The following ANKRD44 variants were observed in gnomAD, a reference collection of about 807,000 sequenced individuals.
The protein encoded by ANKRD44 is ankyrin repeat domain 44.
In ANKRD44, 35 loss-of-function variants were observed where a neutral mutation model predicts 116.0. The ratio of observed to expected loss-of-function variants is 0.30; its 90% CI spans 0.23 to 0.40. The LOEUF (loss-of-function observed/expected upper bound fraction) is 0.40. Ranked by LOEUF, ANKRD44 falls within the 10% of genes least tolerant of loss-of-function variation. The probability of loss-of-function intolerance (pLI) is 1.00; values close to 1 mark genes in which losing one functional copy is unlikely to be tolerated. For missense variants in ANKRD44, 1,014 were observed against 1,242.6 expected (o/e 0.82, Z 2.77); for synonymous variants, 435 against 461.8 (o/e 0.94, Z 0.74).
rs115864845 is a variant in ANKRD44, at chr2:197,136,291, C to T, written c.261+301G>A. On this transcript the variant is annotated intron_variant, in intron 4 of 27. Coordinates refer to ENST00000282272, the MANE Select transcript of ANKRD44 (RefSeq NM_001195144.2). ...AAGCAGGCAGTTAGTTGCTTTCTCC[C>T]GCAAGTCAATGATGATATTGTAATG... 3,154 of 353,346 alleles carry T rather than the reference C, an allele frequency of 8.9e-3. 22 individuals are homozygous for T. The highest frequency in any genetic ancestry group is 0.011 in the Non-Finnish European group (2,104 of 190,652). 21.9% of individuals were successfully genotyped at this position (353,346 alleles called of 1,614,324 possible).
At chr2:196,969,593 C>T (rs780089758) in intron 21 of ANKRD44, among the ~76,000 whole-genome samples, 1 of 152,216 alleles carries the variant, frequency 6.6e-6, no homozygotes, top group Admixed American at 6.5e-5. Flanking sequence ...AAGTGATATA[C>T]CAGCTACATT....
chr2:197,044,458 C>G (rs1417241259), intron 16 of ANKRD44, among the ~76,000 whole-genome samples: 2 of 152,102 alleles, frequency 1.3e-5, no homozygotes, highest in African/African-American at 4.8e-5. Context: ...CCTCTGCTTC[C>G]TGGGTTCAAG....
At chr2:197,071,848 G>T (rs938666797) in intron 16 of ANKRD44, among the ~76,000 whole-genome samples, 1 of 152,104 alleles carries the variant, frequency 6.6e-6, no homozygotes, top group Non-Finnish European at 1.5e-5. Flanking sequence ...AACAGTTTTT[G>T]CTTCACATAT....
chr2:197,069,891 CT>C (rs199988682), intron 16 of ANKRD44, among the ~76,000 whole-genome samples: 18,923 of 144,424 alleles, frequency 0.13, 1,341 homozygotes, highest in Non-Finnish European at 0.17. Flanking sequence ...AATGTCTCTC[CT>C]TTTTTTTTTT....
Position 197,017,537 on chromosome 2 carries a change from A to G in ANKRD44, c.1723-3825T>C, listed in dbSNP as rs546239512. ...GTTTGTGAATGATTTTGATTATGTTACATATTAAACCTATATATCATTTAT... is the reference window on the plus strand; with the variant it reads ...GTTTGTGAATGATTTTGATTATGTTGCATATTAAACCTATATATCATTTAT... On this transcript the variant is annotated intron_variant, in intron 17 of 27. Coordinates refer to ENST00000282272, the MANE Select transcript of ANKRD44 (RefSeq NM_001195144.2). Among the ~76,000 whole-genome samples, 7 of 152,344 alleles carry G rather than the reference A, an allele frequency of 4.6e-5. No individual in the cohort carries two copies. The South Asian group carries it at 1.5e-3, about 32-fold the overall frequency.
At chr2:196,995,490 G>A (rs1159140643) in intron 25 of ANKRD44, 29 bp from the exon 26 acceptor site, 1 of 1,485,440 alleles carries the variant, frequency 6.7e-7, no homozygotes, top group Non-Finnish European at 9.3e-7. Flanking sequence ...GATAAGAAAT[G>A]CAAGATAGAG....
intron 17 of ANKRD44, 29 bp from the exon 18 acceptor site, chr2:197,013,741 G>A (rs1200952106): frequency 1.2e-6 from 2 of 1,610,352 alleles, no homozygotes; most frequent in East Asian, 4.5e-5. Flanking sequence ...TGGCTCCCAT[G>A]CTTGCTCGCT....
At chr2:197,067,471 G>A (rs2077459269) in intron 16 of ANKRD44, among the ~76,000 whole-genome samples, 1 of 149,436 alleles carries the variant, frequency 6.7e-6, no homozygotes, top group Non-Finnish European at 1.5e-5. Flanking sequence ...TCTGACAAAG[G>A]GCTAATATCC....
At position 196,991,060 on chromosome 2, in the gene ANKRD44, G is replaced by C. The variant is rs2075906626; in HGVS notation, c.2924-1411C>G. ...AGTTAGAAATCATGCCAGGTAAAAC[G>C]AGGAGTTACTTCTCACAAGTCATGC... On this transcript the variant is annotated intron_variant, in intron 27 of 27. Coordinates refer to ENST00000282272, the MANE Select transcript of ANKRD44 (RefSeq NM_001195144.2). 3 of 831,734 alleles carry C rather than the reference G, an allele frequency of 3.6e-6. No individual in the cohort carries two copies. In the East Asian group the frequency reaches 1.0e-4, roughly 28 times the overall value. 51.5% of individuals were successfully genotyped at this position (831,734 alleles called of 1,614,324 possible). A position where few individuals can be genotyped will look rare whatever the true frequency, so the allele number is the denominator to read the frequency against.
intron 17 of ANKRD44, 62 bp downstream of exon 17, chr2:197,025,134 A>C: frequency 3.4e-6 from 5 of 1,475,556 alleles, no homozygotes; most frequent in Non-Finnish European, 4.7e-6. Context: ...AGAGCAATCT[A>C]GTTTTAGGAA....
intron 17 of ANKRD44, among the ~76,000 whole-genome samples, chr2:197,022,115 C>T (rs1220201936): frequency 6.6e-6 from 1 of 152,210 alleles, no homozygotes; most frequent in African/African-American, 2.4e-5. Context: ...GGTTCCATTA[C>T]ACTGCTAGAT....
intron 9 of ANKRD44, among the ~76,000 whole-genome samples, chr2:197,108,748 G>T (rs1363918576): frequency 6.6e-6 from 1 of 152,154 alleles, no homozygotes; most frequent in Non-Finnish European, 1.5e-5. Flanking sequence ...TGAGGCACAA[G>T]AATCGCTTGA....
At chr2:197,297,098 C>G (rs947559396) in intron 1 of ANKRD44, among the ~76,000 whole-genome samples, 2 of 152,174 alleles carry the variant, frequency 1.3e-5, no homozygotes, top group African/African-American at 2.4e-5. Flanking sequence ...TAAAAAATGA[C>G]TGCAAACTCC....
At chr2:197,030,827 G>A (rs917973280) in intron 16 of ANKRD44, among the ~76,000 whole-genome samples, 2 of 152,084 alleles carry the variant, frequency 1.3e-5, no homozygotes, top group South Asian at 4.1e-4. Flanking sequence ...GTTGGTGGTG[G>A]TGTTGTTTTT....
intron 9 of ANKRD44, among the ~76,000 whole-genome samples, chr2:197,105,321 C>A (rs888476715): frequency 4.6e-5 from 7 of 152,246 alleles, no homozygotes; most frequent in African/African-American, 1.7e-4. Context: ...GCCATGTTGG[C>A]CAGGCTAGTC....
At chr2:197,263,417 C>T (rs1443743089) in intron 1 of ANKRD44, 2 of 588,602 alleles carry the variant, frequency 3.4e-6, no homozygotes, top group Non-Finnish European at 6.2e-6. Context: ...ATTGATTATG[C>T]CAGGAACCCT....
chr2:197,084,313 G>C (rs531126675), intron 13 of ANKRD44, among the ~76,000 whole-genome samples: 2 of 152,074 alleles, frequency 1.3e-5, no homozygotes, highest in African/African-American at 4.8e-5. Context: ...GCCCATTCAC[G>C]AATCACTTCC....
intron 13 of ANKRD44, among the ~76,000 whole-genome samples, chr2:197,086,249 T>C (rs2077919439): frequency 6.6e-6 from 1 of 151,918 alleles, no homozygotes; most frequent in Middle Eastern, 3.2e-3. Context: ...GTAAGAAGAG[T>C]TCTATGACCC....
intron 2 of ANKRD44, 78 bp from the exon 3 acceptor site, chr2:197,147,183 T>C: frequency 1.8e-6 from 2 of 1,133,900 alleles, no homozygotes; most frequent in Non-Finnish European, 2.6e-6. Context: ...GTAAGACGTG[T>C]CACTCACTCT....
Sources: gnomAD v4.1 joint callset for allele counts (sites outside exome capture counted in the v4.1 genomes callset) on GRCh38, gnomAD v4.1.1 for gene constraint, MANE v1.5 for transcripts, NCBI Gene and HGNC (gene_info 2026-07-23, HGNC 2026-07-21) for gene names.